TDRD9: variants seen among roughly 807,000 people sequenced by gnomAD.
TDRD9 encodes tudor domain containing 9, also known as ATP-dependent RNA helicase TDRD9.
A neutral mutation model predicts 172.6 loss-of-function variants in TDRD9; 124 were observed. The ratio of observed to expected loss-of-function variants is 0.72; its 90% CI spans 0.62 to 0.83. TDRD9 has a LOEUF of 0.83. Among genes scored for constraint, TDRD9 ranks in the 40% least tolerant of loss-of-function variants. TDRD9 has a pLI of 0.00. For missense variants in TDRD9, 1,479 were observed against 1,714.1 expected, an observed-to-expected ratio of 0.86 and a Z score of 2.42; for synonymous variants, 619 against 617.1, an observed-to-expected ratio of 1.00 and a Z score of -0.05.
intron 20 of TDRD9, 146 bp downstream of exon 20, chr14:104,008,612 G>C (rs2034518075): frequency 1.7e-6 from 1 of 604,128 alleles, no homozygotes; most frequent in Non-Finnish European, 2.9e-6. Flanking sequence ...TTTAGTAGGA[G>C]TGTCTCTTGT....
intron 1 of TDRD9, among the ~76,000 whole-genome samples, chr14:103,936,025 G>C (rs570025402): frequency 2.2e-4 from 33 of 152,174 alleles, no homozygotes; most frequent in African/African-American, 7.2e-4. Flanking sequence ...GAGTAGATAA[G>C]TGTGGCAGAG....
rs193145041 is a variant in TDRD9, at chr14:103,991,527, C to T, written c.1180+303C>T. Among the ~76,000 whole-genome samples the T allele has an allele frequency of 4.3e-3, 653 of 152,092 alleles. 6 individuals carry two copies. The highest frequency in any genetic ancestry group is 0.015 in the African/African-American group (630 of 41,490). ...TCCCCGGTTCCAGTGATTCTCCTGC[C>T]TCAGCTTCCCGAGTAGCTGGGACTA... On this transcript the variant is annotated intron_variant, in intron 9 of 35. Transcript: ENST00000409874.
chr14:104,044,187 C>T (rs1158667385), intron 34 of TDRD9, among the ~76,000 whole-genome samples: 1 of 152,186 alleles, frequency 6.6e-6, no homozygotes, highest in Non-Finnish European at 1.5e-5. Context: ...TTGCCTCCCT[C>T]TGTAAGTAAA....
intron 1 of TDRD9, among the ~76,000 whole-genome samples, chr14:103,948,005 GA>G (rs1299497596): frequency 2.0e-5 from 3 of 151,952 alleles, no homozygotes; most frequent in Non-Finnish European, 4.4e-5. Context: ...AATGCAACAA[GA>G]AAAAAACAGA....
intron 32 of TDRD9, among the ~76,000 whole-genome samples, chr14:104,036,411 G>T (rs985293504): frequency 6.6e-6 from 1 of 152,148 alleles, no homozygotes; most frequent in Non-Finnish European, 1.5e-5. Context: ...TTGGAGCCTC[G>T]GTGGGGAGAC....
intron 35 of TDRD9, 134 bp downstream of exon 35, chr14:104,049,814 T>A (rs1372148895): frequency 1.2e-5 from 8 of 684,050 alleles, no homozygotes; most frequent in Admixed American, 2.8e-5. Context: ...GTGGATGGCT[T>A]TGGGGGCCAG....
rs987856348 is a variant in TDRD9 at position 104,030,983 on chromosome 14, A to G, written c.3283-125A>G. ...CCCTAAAACTTAAAGTGTAATAATA[A>G]TAAAATAAAAATTAATGACATAGAA... is the stretch of plus-strand genomic sequence containing the variant. On this transcript the variant is annotated intron_variant, in intron 28 of 35. Transcript: ENST00000409874. 24 of 919,130 alleles carry G rather than the reference A, an allele frequency of 2.6e-5. No individual in the cohort carries two copies. The Admixed American group carries it at 3.7e-4, about 14-fold the overall frequency. The allele number at this position is 919,130 out of a possible 1,614,324, so 56.9% of individuals were successfully genotyped here.
intron 7 of TDRD9, among the ~76,000 whole-genome samples, chr14:103,979,664 A>C (rs574761062): frequency 6.6e-6 from 1 of 152,218 alleles, no homozygotes; most frequent in African/African-American, 2.4e-5. Context: ...TCAAATGTCA[A>C]CATGAGATTT....
At chr14:104,043,135 C>T (rs911173725) in intron 34 of TDRD9, among the ~76,000 whole-genome samples, 1 of 152,032 alleles carries the variant, frequency 6.6e-6, no homozygotes, top group African/African-American at 2.4e-5. Context: ...ATGATCTTCC[C>T]ACCTCAGCCT....
chr14:104,025,999 C>A, intron 26 of TDRD9, 48 bp from the exon 27 acceptor site: 2 of 1,249,768 alleles, frequency 1.6e-6, no homozygotes, highest in Non-Finnish European at 2.3e-6. Flanking sequence ...TCAGGTAGGG[C>A]ATTGTTTTTG....
intron 20 of TDRD9, among the ~76,000 whole-genome samples, chr14:104,010,796 T>C (rs1285007597): frequency 6.6e-6 from 1 of 152,222 alleles, no homozygotes; most frequent in African/African-American, 2.4e-5. Context: ...CAGTTGGCCC[T>C]GTGGCGCCCA....
At chr14:104,031,972 G>A in intron 29 of TDRD9, 45 bp from the exon 30 acceptor site, 3 of 1,334,004 alleles carry the variant, frequency 2.2e-6, no homozygotes, top group Non-Finnish European at 3.1e-6. Flanking sequence ...CATGTTAAGT[G>A]TTATCTTGCT....
intron 1 of TDRD9, among the ~76,000 whole-genome samples, chr14:103,952,727 C>CT (rs1681298094): frequency 1.2e-5 from 1 of 86,540 alleles, no homozygotes; most frequent in Admixed American, 1.5e-4. Context: ...GGAATTCTCT[C>CT]TCTTTTTTTT....
rs988753791 is a variant in TDRD9, at chr14:104,014,801, T to C, written c.2183T>C (p.Met728Thr). 1.1e-5 allele frequency: 17 copies of C among 1,612,122 alleles called. No homozygotes were observed. The highest frequency in any genetic ancestry group is 1.4e-5 in the Non-Finnish European group (17 of 1,178,986). Reference protein sequence around the residue: ...NMHVDSRRPVMDQEYIYKQRF... With the variant: ...NMHVDSRRPVTDQEYIYKQRF... ...CATGTTGATTCTCGGCGACCTGTCA[T>C]GGACCAAGAGTATATATATAAGCAG... The change falls in exon 21 of 36, where the codon ATG becomes ACG. Residue 728 changes from methionine (M) to threonine (T), a missense_variant. Physicochemically the swap from Met to Thr is moderately conservative, Grantham distance 81 (BLOSUM62 -1). Coordinates refer to ENST00000409874, the MANE Select transcript of TDRD9 (RefSeq NM_153046.3).
intron 7 of TDRD9, among the ~76,000 whole-genome samples, chr14:103,977,629 TC>T (rs2033304616): frequency 1.4e-5 from 2 of 139,836 alleles, no homozygotes; most frequent in Non-Finnish European, 3.2e-5. Flanking sequence ...TTGATTTCTT[TC>T]TTTTTTTTTT....
At chr14:103,971,744 A>G (rs2033042819) in intron 6 of TDRD9, among the ~76,000 whole-genome samples, 1 of 152,206 alleles carries the variant, frequency 6.6e-6, no homozygotes, top group South Asian at 2.1e-4. Context: ...TTTGGTTATT[A>G]TGTTGCCTTA....
chr14:103,932,254 C>T (rs756741846), intron 1 of TDRD9, among the ~76,000 whole-genome samples: 21 of 152,154 alleles, frequency 1.4e-4, no homozygotes, highest in African/African-American at 3.4e-4. Context: ...TGGGGTGAGC[C>T]GACCTGTGAA....
At chr14:104,028,562 C>T (rs535470087) in intron 28 of TDRD9, among the ~76,000 whole-genome samples, 7 of 152,126 alleles carry the variant, frequency 4.6e-5, no homozygotes, top group Non-Finnish European at 8.8e-5. Context: ...TGTTTGAGTT[C>T]CTTGTGTATT....
At chr14:103,961,677 A>G (rs1484370835) in intron 2 of TDRD9, among the ~76,000 whole-genome samples, 5 of 151,988 alleles carry the variant, frequency 3.3e-5, no homozygotes, top group South Asian at 4.1e-4. Context: ...CAAAGAAGCT[A>G]TTTTTGCTTT....
Sources: allele counts gnomAD v4.1 joint callset (sites outside exome capture counted in the v4.1 genomes callset), GRCh38; gene constraint gnomAD v4.1.1; transcripts MANE v1.5; gene names NCBI Gene and HGNC (gene_info 2026-07-23, HGNC 2026-07-21).